LILRB1: variants seen among roughly 807,000 people sequenced by gnomAD.
LILRB1 encodes leukocyte immunoglobulin-like receptor subfamily B member 1.
A neutral mutation model predicts 74.6 loss-of-function variants in LILRB1; 59 were observed. The observed-to-expected ratio is 0.79, with a 90% CI of 0.64 to 0.98. The LOEUF (loss-of-function observed/expected upper bound fraction) is 0.98, where lower values mean the gene tolerates loss of function less well. Among genes scored for constraint, LILRB1 ranks in the 50% least tolerant of loss-of-function variants. LILRB1 has a pLI of 0.00. For missense variants in LILRB1, 804 were observed against 822.6 expected (o/e 0.98, Z 0.28); for synonymous variants, 328 against 333.9 (o/e 0.98, Z 0.19).
intron 13 of LILRB1, 180 bp downstream of exon 13, chr19:54,635,789 G>A: frequency 1.3e-6 from 1 of 797,238 alleles, no homozygotes; most frequent in Non-Finnish European, 2.2e-6. Flanking sequence ...GGGACCTCGT[G>A]GGCCTCCTCC....
rs200068615 is a variant in LILRB1 at position 54,631,894 on chromosome 19, G to A, written c.359-41G>A. 1.9e-6 allele frequency: 3 copies of A among 1,608,382 alleles called. No homozygotes were observed. The East Asian group carries it at 6.7e-5, about 36-fold the overall frequency. On this transcript the variant is annotated intron_variant, in intron 4 of 14. Transcript: ENST00000324602. ...GCCCAGCCCTGGGGATGACGCGGGT[G>A]GTCTGAGCCACATTTAACACGGTGC...
At position 54,634,674 on chromosome 19, in the gene LILRB1, T is replaced by A. The variant is rs756677170; in HGVS notation, c.1397T>A (p.Ile466Asn). 1.2e-5 allele frequency: 20 copies of A among 1,613,814 alleles called. No homozygotes were observed. The highest frequency in any genetic ancestry group is 1.7e-5 in the Admixed American group (1 of 59,982). The change falls in exon 10 of 15, where the codon ATC becomes AAC. Residue 466 changes from isoleucine (I) to asparagine (N), a missense_variant. Ile to Asn is a moderately radical substitution (Grantham distance 149, BLOSUM62 -3). Coordinates refer to ENST00000324602, the MANE Select transcript of LILRB1 (RefSeq NM_001081637.3). ...LGRHLGVVIGILVAVILLLLL... is the reference protein window; with the variant it reads ...LGRHLGVVIGNLVAVILLLLL... ...AGGCACCTGGGGGTTGTGATCGGCA[T>A]CTTGGTGGCCGTCATCCTACTGCTC...
intron 12 of LILRB1, 76 bp from the exon 13 acceptor site, chr19:54,635,481 C>G: frequency 6.4e-7 from 1 of 1,557,590 alleles, no homozygotes; most frequent in South Asian, 1.2e-5. Flanking sequence ...CATCTGGGAG[C>G]TGAGCAGGGG....
chr19:54,620,523 G>A (rs2063428091), intron 1 of LILRB1, among the ~76,000 whole-genome samples: 1 of 152,082 alleles, frequency 6.6e-6, no homozygotes, highest in South Asian at 2.1e-4. Flanking sequence ...TGCAGGACCC[G>A]TAGCTCACTA....
At chr19:54,634,895 A>T (rs1176904470) in intron 10 of LILRB1, 132 bp downstream of exon 10, 3 of 1,508,818 alleles carry the variant, frequency 2.0e-6, no homozygotes, top group African/African-American at 1.4e-5. Context: ...GCCAATCGAC[A>T]GTCAGTCCCA....
At chr19:54,620,577 G>A (rs1198055625) in intron 1 of LILRB1, among the ~76,000 whole-genome samples, 3 of 152,124 alleles carry the variant, frequency 2.0e-5, no homozygotes, top group Non-Finnish European at 4.4e-5. Context: ...ATGCACAGGA[G>A]GTTATTCCAG....
upstream of LILRB1, among the ~76,000 whole-genome samples, chr19:54,627,067 C>T (rs1328652247): frequency 4.6e-5 from 7 of 152,184 alleles, no homozygotes; most frequent in Admixed American, 1.3e-4. Context: ...ACAACAGTCT[C>T]TCTAGGGTCC....
chr19:54,632,606 C>T lies in LILRB1; in HGVS notation c.804C>T (p.Leu268=), dbSNP rs766298899. The change falls in exon 6 of 15, where the codon CTC becomes CTT. Residue 268 remains leucine (L), a synonymous_variant. Transcript: ENST00000324602. ...ACGGGGAACGTGACTTCCTTCAGCT[C>T]GCTGGCGCACAGCCCCAGGCTGGGC... is the stretch of plus-strand genomic sequence containing the variant. ...YKDGERDFLQ[L]AGAQPQAGLS... is the part of the protein sequence containing the mutation. 33 of 1,614,018 alleles carry T rather than the reference C, an allele frequency of 2.0e-5. No individual in the cohort carries two copies. Among genetic ancestry groups the T allele is most frequent in the East Asian group, 1.8e-4 (8 of 44,888 alleles).
Position 54,631,485 on chromosome 19 carries a change from C to T in LILRB1, c.71-15C>T, listed in dbSNP as rs776145791. 2 of 1,601,006 alleles carry T rather than the reference C, an allele frequency of 1.2e-6. No individual in the cohort carries two copies. Among genetic ancestry groups the T allele is most frequent in the Non-Finnish European group, 8.5e-7 (1 of 1,173,266 alleles). ...TGGGAAATGAGTTAGAATCTGACTC[C>T]TGATTTCCTTCCAGGGCACCTCCCC... On this transcript the variant is annotated splice_polypyrimidine_tract_variant and intron_variant, in intron 3 of 14. Coordinates refer to ENST00000324602, the MANE Select transcript of LILRB1 (RefSeq NM_001081637.3).
intron 13 of LILRB1, 74 bp from the exon 14 acceptor site, chr19:54,636,420 G>C: frequency 6.3e-7 from 1 of 1,585,916 alleles, no homozygotes; most frequent in Non-Finnish European, 8.6e-7. Flanking sequence ...GGATCACCCG[G>C]GGAACAGTGA....
At chr19:54,619,081 C>T (rs898836050) in intron 1 of LILRB1, among the ~76,000 whole-genome samples, 1 of 151,808 alleles carries the variant, frequency 6.6e-6, no homozygotes, top group East Asian at 1.9e-4. Context: ...TAATTCAAAG[C>T]TTTTTTAAAA....
In LILRB1 at chr19:54,620,806, T is replaced by A. The variant is rs566349215; in HGVS notation, c.-166+3457T>A. Among the ~76,000 whole-genome samples, 27 of 152,350 alleles carry A rather than the reference T, an allele frequency of 1.8e-4. 1 individual carries two copies. The Middle Eastern group carries it at 0.01, about 58-fold the overall frequency. Reference sequence around the variant, plus strand: ...ACCGTTGGTGGACACTTAGTTTGGTTTCATGTCTGTGCTGTTGTGAATAGT... The same window carrying A: ...ACCGTTGGTGGACACTTAGTTTGGTATCATGTCTGTGCTGTTGTGAATAGT... On this transcript the variant is annotated intron_variant, in intron 1 of 15. Coordinates refer to the LILRB1 transcript ENST00000396331.
At chr19:54,628,055 G>A (rs771598148), upstream of LILRB1, among the ~76,000 whole-genome samples, 1 of 152,116 alleles carries the variant, frequency 6.6e-6, no homozygotes, top group African/African-American at 2.4e-5. Context: ...TGCTCTGTCC[G>A]GTTTCCACTG....
rs545659282 is a variant in LILRB1, at chr19:54,632,450, C to T, written c.662-14C>T. On this transcript the variant is annotated splice_polypyrimidine_tract_variant and intron_variant, in intron 5 of 14. Transcript: ENST00000324602. ...GAGGGTCGGCTCCTGGAAACCATGA[C>T]CACCTTTTCCCAGGTGTTTCTAAGA... 8.9e-6 allele frequency: 14 copies of T among 1,578,734 alleles called. No individual in the cohort carries two copies. The South Asian group carries it at 1.5e-4, about 17-fold the overall frequency.
rs531874051 is a variant in LILRB1, at chr19:54,631,296, C to A, written c.60C>A (p.His20Gln). ...GGCTGAGTCTGGGCCCCCGGACCCA[C>A]GTGCAGGCAGGTGAGTCTGTCCCCA... ...CLGLSLGPRT[H>Q]VQAGHLPKPT... is the part of the protein sequence containing the mutation. The change falls in exon 3 of 15, where the codon CAC becomes CAA. Residue 20 changes from histidine to glutamine, a missense_variant. Physicochemically the swap from His to Gln is conservative, Grantham distance 24. Transcript: ENST00000324602. 3 of 1,613,416 alleles carry A rather than the reference C, an allele frequency of 1.9e-6. No homozygotes were observed. The highest frequency in any genetic ancestry group is 1.1e-5 in the South Asian group (1 of 91,046).
rs367947324 is a variant in LILRB1 at position 54,636,078 on chromosome 19, T to C, written c.1654-416T>C. The stretch of plus-strand genomic sequence containing the variant: ...TGCCGCCTCCAGGAGTGCAACGTGC[T>C]GTAAGGAACATAAACCAGAGAAAGG... On this transcript the variant is annotated intron_variant, in intron 13 of 14. Transcript: ENST00000324602. 1,347 of 548,800 alleles carry C rather than the reference T, an allele frequency of 2.5e-3. 7 individuals are homozygous for C. Among genetic ancestry groups the C allele is most frequent in the Non-Finnish European group, 3.2e-3 (891 of 277,868 alleles). The allele number at this position is 548,800 out of a possible 1,614,324, so 34.0% of individuals were successfully genotyped here.
chr19:54,633,819 G>A (rs1354972916), intron 8 of LILRB1, 131 bp downstream of exon 8: 1 of 1,445,926 alleles, frequency 6.9e-7, no homozygotes, highest in Non-Finnish European at 9.3e-7. Context: ...CCAGAGGAGG[G>A]GCCACAGGGT....
intron 13 of LILRB1, chr19:54,635,994 G>C (rs1808512): frequency 0.046 from 25,244 of 550,424 alleles, 787 homozygotes; most frequent in Non-Finnish European, 0.057. Context: ...CAGCAGGGAG[G>C]AAAGCCGCCC....
At position 54,631,687 on chromosome 19, in the gene LILRB1, A is replaced by G. The variant is rs776156259; in HGVS notation, c.258A>G (p.Pro86=). 2.3e-5 allele frequency: 37 copies of G among 1,614,150 alleles called. No homozygotes were observed. Among genetic ancestry groups the G allele is most frequent in the Admixed American group, 6.7e-5 (4 of 60,014 alleles). ...ELVKKGQFPI[P]SITWEHTGRY... ...TGAAGAAGGGCCAGTTCCCCATCCCATCCATCACCTGGGAACACACAGGGC... is the reference window on the plus strand; with the variant it reads ...TGAAGAAGGGCCAGTTCCCCATCCCGTCCATCACCTGGGAACACACAGGGC... The change falls in exon 4 of 15, where the codon CCA becomes CCG. Residue 86 remains proline, a synonymous_variant. Coordinates refer to ENST00000324602, the MANE Select transcript of LILRB1 (RefSeq NM_001081637.3).
Sources: allele counts gnomAD v4.1 joint callset (sites outside exome capture counted in the v4.1 genomes callset), GRCh38; gene constraint gnomAD v4.1.1; transcripts MANE v1.5; gene names NCBI Gene and HGNC (gene_info 2026-07-23, HGNC 2026-07-21).